CREBRF: variants seen among roughly 807,000 people sequenced by gnomAD.
CREBRF encodes CREB3 regulatory factor.
Under a neutral mutation model 66.1 loss-of-function variants are expected in CREBRF, and 5 were observed. The observed-to-expected ratio is 0.08, with a 90% confidence interval of 0.04 to 0.16. The LOEUF (loss-of-function observed/expected upper bound fraction) is 0.16. CREBRF is among the 10% of genes least tolerant of loss of function. The probability of loss-of-function intolerance (pLI) is 1.00; values close to 1 mark genes in which losing one functional copy is unlikely to be tolerated. For missense variants in CREBRF, 531 were observed against 744.9 expected (o/e 0.71, Z 3.34); for synonymous variants, 229 against 264.4 (o/e 0.87, Z 1.30).
intron 1 of CREBRF, among the ~76,000 whole-genome samples, chr5:173,070,582 T>G (rs1314379043): frequency 6.6e-6 from 1 of 152,136 alleles, no homozygotes; most frequent in Non-Finnish European, 1.5e-5. Flanking sequence ...TAAATTAAAT[T>G]TAATTCTACT....
intron 4 of CREBRF, among the ~76,000 whole-genome samples, chr5:173,106,366 C>CT (rs1443559815): frequency 2.6e-5 from 4 of 151,364 alleles, no homozygotes; most frequent in African/African-American, 9.7e-5. Flanking sequence ...GGAGGCGGAG[C>CT]TTGCAGTGAG....
chr5:173,089,723 C>T (rs1297676783), intron 3 of CREBRF, among the ~76,000 whole-genome samples: 1 of 151,762 alleles, frequency 6.6e-6, no homozygotes, highest in Non-Finnish European at 1.5e-5. Context: ...TTTACTCTGC[C>T]TGCCCAAGTG....
At position 173,085,777 on chromosome 5, in the gene CREBRF, C is replaced by G. The variant is rs569822402; in HGVS notation, c.10-724C>G. The G allele has an allele frequency of 8.5e-5, 66 of 775,734 alleles. No individual in the cohort carries two copies. In the African/African-American group the frequency reaches 1.0e-3, roughly 12 times the overall value. The allele number at this position is 775,734 out of a possible 1,614,324, so 48.1% of individuals were successfully genotyped here. On this transcript the variant is annotated intron_variant, in intron 2 of 8. Coordinates refer to ENST00000296953, the MANE Select transcript of CREBRF (RefSeq NM_153607.3). ...TAGAACACTCCACATACCTGATGGC[C>G]TTCAGGTCATGGGTCAGCTTTTTAG...
rs1471691748 is a variant in CREBRF at position 173,136,809 on chromosome 5, T to C, written c.*3064T>C. The C allele has an allele frequency of 6.6e-6, 1 of 152,502 alleles. No individual in the cohort carries two copies. Among genetic ancestry groups the C allele is most frequent in the Non-Finnish European group, 1.5e-5 (1 of 67,924 alleles). The allele number at this position is 152,502 out of a possible 1,614,324, so 9.4% of individuals were successfully genotyped here. A position where few individuals can be genotyped will look rare whatever the true frequency, so the allele number is the denominator to read the frequency against. ...TGAAGATCATTAGAGAAGAGTTCTC[T>C]AAAGGTTTTCTGTGTTCATACATGG... On this transcript the variant is annotated 3_prime_UTR_variant, in exon 9 of 9. Transcript: ENST00000296953.
intron 4 of CREBRF, among the ~76,000 whole-genome samples, chr5:173,108,262 A>G (rs1413098240): frequency 6.6e-6 from 1 of 152,352 alleles, no homozygotes; most frequent in East Asian, 1.9e-4. Context: ...TAGTTTATGT[A>G]TCTAAGTACC....
intron 2 of CREBRF, chr5:173,086,071 T>A: frequency 1.1e-6 from 1 of 874,632 alleles, no homozygotes; most frequent in Non-Finnish European, 2.0e-6. Context: ...TATGGTTCTC[T>A]ACCAATCATA....
chr5:173,095,141 G>T (rs1420918013), intron 4 of CREBRF, among the ~76,000 whole-genome samples: 1 of 142,060 alleles, frequency 7.0e-6, no homozygotes, highest in East Asian at 2.1e-4. Flanking sequence ...TGGTATATAT[G>T]TCTGTTTTTA....
chr5:173,134,848 A>C lies in CREBRF; in HGVS notation c.*1103A>C, dbSNP rs1468406507. On this transcript the variant is annotated 3_prime_UTR_variant, in exon 9 of 9. Coordinates refer to ENST00000296953, the MANE Select transcript of CREBRF (RefSeq NM_153607.3). ...TTATCTACAGAAGGAGCATCCATAC[A>C]TACAAATATTATTTTGCTGTTCCTC... is the stretch of plus-strand genomic sequence containing the variant. The C allele has an allele frequency of 6.6e-6, 1 of 152,528 alleles. No individual in the cohort carries two copies. The highest frequency in any genetic ancestry group is 6.5e-5 in the Admixed American group (1 of 15,276). The allele number at this position is 152,528 out of a possible 1,614,324, so 9.4% of individuals were successfully genotyped here.
Position 173,090,909 on chromosome 5 carries a change from C to A in CREBRF, c.730C>A (p.Pro244Thr), listed in dbSNP as rs1758307270. Reference protein sequence around the residue: ...YVKKAKVKINPVQQSRPLLSQ... With the variant: ...YVKKAKVKINTVQQSRPLLSQ... ...AAAAAAGGCAAAGGTAAAGATCAACCCAGTGCAACAGAGCCGGCCCTTGTT... is the reference window on the plus strand; with the variant it reads ...AAAAAAGGCAAAGGTAAAGATCAACACAGTGCAACAGAGCCGGCCCTTGTT... Residue 244 changes from proline to threonine, a missense_variant, in exon 4 of 9, where the codon CCA becomes ACA. By Grantham distance (38) the Pro-to-Thr change is conservative (BLOSUM62 -1). This residue lies in a region of CREBRF where 309 missense variants were observed against 341.4 expected (regional missense o/e 0.90). Coordinates refer to ENST00000296953, the MANE Select transcript of CREBRF (RefSeq NM_153607.3). The surrounding 1 kb of genome is among the most constrained non-coding windows in gnomAD (Gnocchi z 4.5). 6.2e-7 allele frequency: 1 copy of A among 1,614,002 alleles called. No homozygotes were observed. Among genetic ancestry groups the A allele is most frequent in the South Asian group, 1.1e-5 (1 of 91,082 alleles).
intron 3 of CREBRF, among the ~76,000 whole-genome samples, chr5:173,089,912 G>A (rs954682377): frequency 6.6e-6 from 1 of 151,762 alleles, no homozygotes; most frequent in East Asian, 1.9e-4. Flanking sequence ...TTATCACATT[G>A]TTTGCTTTTT....
chr5:173,100,384 GT>G (rs1281668449), intron 4 of CREBRF, among the ~76,000 whole-genome samples: 1 of 151,074 alleles, frequency 6.6e-6, no homozygotes, highest in Non-Finnish European at 1.5e-5. Flanking sequence ...GAATATGACT[GT>G]TCTTATTTTT....
chr5:173,108,192 A>C (rs904312808), intron 4 of CREBRF, among the ~76,000 whole-genome samples: 4 of 152,090 alleles, frequency 2.6e-5, no homozygotes, highest in Admixed American at 1.3e-4. Flanking sequence ...AGAAGTATAC[A>C]TAGCTTTCTG....
At chr5:173,115,270 G>T (rs1758962692) in intron 7 of CREBRF, among the ~76,000 whole-genome samples, 1 of 151,742 alleles carries the variant, frequency 6.6e-6, no homozygotes, top group Non-Finnish European at 1.5e-5. Flanking sequence ...ACTACTCCTG[G>T]CTAATTTTGT....
At chr5:173,115,503 C>T (rs750372041) in intron 7 of CREBRF, among the ~76,000 whole-genome samples, 33 of 152,254 alleles carry the variant, frequency 2.2e-4, no homozygotes, top group Admixed American at 7.2e-4. Flanking sequence ...ATGCAAATAT[C>T]CTTGAGTAAG....
intron 2 of CREBRF, among the ~76,000 whole-genome samples, chr5:173,083,755 C>T (rs1038034410): frequency 2.6e-5 from 4 of 152,184 alleles, no homozygotes; most frequent in Admixed American, 6.5e-5. Context: ...AAATGTTATA[C>T]AGCTAAGTGA....
At chr5:173,131,235 A>T (rs1315841051) in intron 8 of CREBRF, among the ~76,000 whole-genome samples, 1 of 152,338 alleles carries the variant, frequency 6.6e-6, no homozygotes, top group East Asian at 1.9e-4. Flanking sequence ...CGTAAAAATC[A>T]TGATTCTTTG....
Position 173,095,638 on chromosome 5 carries a change from G to A in CREBRF, c.1222+4237G>A, listed in dbSNP as rs75483228. The stretch of plus-strand genomic sequence containing the variant: ...GTCTTTTTCCCTTTGTTTAAGGATT[G>A]CATTGAATTTGTAGTTCATTTTGGG... On this transcript the variant is annotated intron_variant, in intron 4 of 8. Transcript: ENST00000296953. 1.1e-3 allele frequency among the ~76,000 whole-genome samples: 171 copies of A among 152,136 alleles called. No individual in the cohort carries two copies. In the East Asian group the frequency reaches 0.029, roughly 25 times the overall value.
intron 7 of CREBRF, among the ~76,000 whole-genome samples, chr5:173,121,173 C>T (rs1228231142): frequency 6.6e-6 from 1 of 152,150 alleles, no homozygotes; most frequent in Non-Finnish European, 1.5e-5. Context: ...TCTTATTTTT[C>T]ATGATGGATC....
intron 1 of CREBRF, among the ~76,000 whole-genome samples, chr5:173,076,251 A>G (rs139479604): frequency 2.8e-3 from 426 of 151,882 alleles, no homozygotes; most frequent in African/African-American, 9.5e-3. Context: ...TCAAGAGCCC[A>G]CTCCTGTGTC....
Sources: allele counts gnomAD v4.1 joint callset (sites outside exome capture counted in the v4.1 genomes callset), GRCh38; gene constraint gnomAD v4.1.1; regional missense constraint gnomAD v4.1.1; non-coding constraint Gnocchi (gnomAD v3.1); transcripts MANE v1.5; gene names NCBI Gene and HGNC (gene_info 2026-07-23, HGNC 2026-07-21).